The following SLC44A1 variants were observed in gnomAD, a reference collection of about 807,000 sequenced individuals.
The protein encoded by SLC44A1 is solute carrier family 44 member 1.
Under a neutral mutation model 79.3 loss-of-function variants are expected in SLC44A1, and 26 were observed. That is an observed-to-expected ratio of 0.33 (90% CI 0.24 to 0.46). The LOEUF (loss-of-function observed/expected upper bound fraction) is 0.46, where lower values mean the gene tolerates loss of function less well. Ranked by LOEUF, SLC44A1 falls within the 20% of genes least tolerant of loss-of-function variation. The pLI, the probability that SLC44A1 is intolerant of heterozygous loss-of-function variation, is 1.00. For synonymous variants in SLC44A1, 263 were observed against 286.2 expected (o/e 0.92, Z 0.82); for missense variants, 688 against 798.1 (o/e 0.86, Z 1.66).
At chr9:105,286,987 T>C (rs1354807107) in intron 1 of SLC44A1, among the ~76,000 whole-genome samples, 1 of 151,758 alleles carries the variant, frequency 6.6e-6, no homozygotes, top group Non-Finnish European at 1.5e-5. Context: ...AAATAAAATA[T>C]GAAAGGGAGG....
downstream of SLC44A1, among the ~76,000 whole-genome samples, chr9:105,399,742 A>ATACAGT: frequency 6.6e-6 from 1 of 152,098 alleles, no homozygotes; most frequent in Admixed American, 6.5e-5. Context: ...AATGTTTATA[A>ATACAGT]TAGTGAAGAA....
intron 1 of SLC44A1, among the ~76,000 whole-genome samples, chr9:105,247,946 C>T (rs1829496995): frequency 6.6e-6 from 1 of 152,216 alleles, no homozygotes; most frequent in South Asian, 2.1e-4. Context: ...TATATCCCTT[C>T]CTGTTCTTTC....
chr9:105,381,608 CCCCAGAAAATGAGAAAG>C (rs1188542159), intron 13 of SLC44A1, among the ~76,000 whole-genome samples: 1 of 150,260 alleles, frequency 6.7e-6, no homozygotes, highest in African/African-American at 2.5e-5. Flanking sequence ...ATGGAAATAA[CCCCAGAAAATGAGAAAG>C]AAAAAAAATG....
intron 5 of SLC44A1, among the ~76,000 whole-genome samples, chr9:105,348,843 T>C (rs956193361): frequency 6.6e-6 from 1 of 152,156 alleles, no homozygotes; most frequent in Non-Finnish European, 1.5e-5. Context: ...GGGATTGTTT[T>C]AAATTTATTT....
At chr9:105,278,405 C>A (rs530850499) in intron 1 of SLC44A1, among the ~76,000 whole-genome samples, 2 of 152,272 alleles carry the variant, frequency 1.3e-5, no homozygotes, top group Admixed American at 1.3e-4. Flanking sequence ...CCCGCCACCA[C>A]GCCCGGTTAA....
chr9:105,344,483 C>T (rs1827188072), intron 4 of SLC44A1, among the ~76,000 whole-genome samples: 1 of 152,078 alleles, frequency 6.6e-6, no homozygotes, highest in Non-Finnish European at 1.5e-5. Context: ...ACAGGACAGC[C>T]CCCTACAACC....
intron 1 of SLC44A1, among the ~76,000 whole-genome samples, chr9:105,285,482 C>T (rs1212871899): frequency 1.3e-5 from 2 of 152,172 alleles, no homozygotes; most frequent in Non-Finnish European, 2.9e-5. Context: ...CTGTCTCACG[C>T]GTCCATGTGA....
Position 105,260,696 on chromosome 9 carries a change from C to A in SLC44A1, c.36+15792C>A, listed in dbSNP as rs143010760. On this transcript the variant is annotated intron_variant, in intron 1 of 15. Transcript: ENST00000374720. Reference sequence around the variant, plus strand: ...TAGGGTAAATGATTGACAAAAGAATCCTTCAAGTTTGAAACTTGATAATAT... The same window carrying A: ...TAGGGTAAATGATTGACAAAAGAATACTTCAAGTTTGAAACTTGATAATAT... Among the ~76,000 whole-genome samples the A allele has an allele frequency of 7.6e-4, 116 of 152,278 alleles. 2 individuals are homozygous for A. The East Asian group carries it at 0.021, about 28-fold the overall frequency.
chr9:105,385,308 T>C (rs1244871103), intron 14 of SLC44A1, 114 bp from the exon 15 acceptor site: 1 of 731,630 alleles, frequency 1.4e-6, no homozygotes, highest in African/African-American at 1.8e-5. Context: ...TGCTATGTTT[T>C]TAAGCCATCC....
intron 3 of SLC44A1, among the ~76,000 whole-genome samples, chr9:105,315,363 AATTG>A (rs1831294960): frequency 6.6e-6 from 1 of 151,850 alleles, no homozygotes; most frequent in African/African-American, 2.4e-5. Flanking sequence ...TAAGTAAGAT[AATTG>A]ATTGTTTAAT....
At chr9:105,409,553 C>T (rs1208630099) in intron 15 of SLC44A1, among the ~76,000 whole-genome samples, 2 of 152,038 alleles carry the variant, frequency 1.3e-5, no homozygotes, top group Non-Finnish European at 2.9e-5. Flanking sequence ...GGTGTAGTGG[C>T]GTGTGCTGGT....
At chr9:105,380,247 C>G (rs1828420827) in intron 13 of SLC44A1, among the ~76,000 whole-genome samples, 1 of 152,174 alleles carries the variant, frequency 6.6e-6, no homozygotes, top group South Asian at 2.1e-4. Context: ...CTTTCTGACT[C>G]CAAAACTAGT....
At chr9:105,355,324 T>C (rs1233251789) in intron 5 of SLC44A1, among the ~76,000 whole-genome samples, 2 of 152,244 alleles carry the variant, frequency 1.3e-5, no homozygotes, top group African/African-American at 4.8e-5. Flanking sequence ...CTCTAGTCTT[T>C]CACAAGTAAA....
In SLC44A1 at chr9:105,397,008, C is replaced by G. The variant is rs1564051408; in HGVS notation, c.*7952C>G. 6 of 985,104 alleles carry G rather than the reference C, an allele frequency of 6.1e-6. No homozygotes were observed. Among genetic ancestry groups the G allele is most frequent in the Non-Finnish European group, 7.2e-6 (6 of 829,814 alleles). 61.0% of individuals were successfully genotyped at this position (985,104 alleles called of 1,614,324 possible). A position where few individuals can be genotyped will look rare whatever the true frequency, so the allele number is the denominator to read the frequency against. On this transcript the variant is annotated 3_prime_UTR_variant, in exon 16 of 16. Coordinates refer to ENST00000374720, the MANE Select transcript of SLC44A1 (RefSeq NM_080546.5). Reference sequence around the variant, plus strand: ...CATTATTGACACAGTGCAGACTTTGCAGATGGAGCATTATGCTCTCAGAGG... The same window carrying G: ...CATTATTGACACAGTGCAGACTTTGGAGATGGAGCATTATGCTCTCAGAGG...
At chr9:105,419,060 CA>C (rs1398928381) in intron 15 of SLC44A1, among the ~76,000 whole-genome samples, 1 of 151,904 alleles carries the variant, frequency 6.6e-6, no homozygotes, top group Non-Finnish European at 1.5e-5. Context: ...ACTTGACAAT[CA>C]AAATAGAGCC....
At position 105,369,562 on chromosome 9, in the gene SLC44A1, A is replaced by G. The variant is rs553613441; in HGVS notation, c.1494+3133A>G. On this transcript the variant is annotated intron_variant, in intron 12 of 15. Transcript: ENST00000374720. ...AAGACACAAACATTCAGACCATAGC[A>G]TTCCCCTTCTCTCCTTTGCCTCAAA... 3.3e-5 allele frequency among the ~76,000 whole-genome samples: 5 copies of G among 152,290 alleles called. No homozygotes were observed. In the East Asian group the frequency reaches 9.6e-4, roughly 29 times the overall value.
At position 105,394,295 on chromosome 9, in the gene SLC44A1, CTT is replaced by C. The variant is rs1828827596; in HGVS notation, c.*5241_*5242del. On this transcript the variant is annotated 3_prime_UTR_variant, in exon 16 of 16. Transcript: ENST00000374720. ...TGGAATCATTTTTATAACTTAAAGA[CTT>C]TATGTAATTTAGTAGCAGGTTAGGG... 9 of 985,310 alleles carry C rather than the reference CTT, an allele frequency of 9.1e-6. No homozygotes were observed. Among genetic ancestry groups the C allele is most frequent in the East Asian group, 1.1e-4 (1 of 8,812 alleles). The allele number at this position is 985,310 out of a possible 1,614,324, so 61.0% of individuals were successfully genotyped here.
intron 3 of SLC44A1, among the ~76,000 whole-genome samples, chr9:105,330,505 C>T (rs1826716458): frequency 6.6e-6 from 1 of 152,166 alleles, no homozygotes; most frequent in South Asian, 2.1e-4. Context: ...CAGTTTTAAA[C>T]CTTCTATGGC....
chr9:105,393,419 G>A lies in SLC44A1; in HGVS notation c.*4363G>A, dbSNP rs1828810156. 1.0e-6 allele frequency: 1 copy of A among 985,074 alleles called. No homozygotes were observed. The highest frequency in any genetic ancestry group is 1.7e-5 in the African/African-American group (1 of 57,212). The allele number at this position is 985,074 out of a possible 1,614,324, so 61.0% of individuals were successfully genotyped here. ...AAACAAAACAAAAATTACACGTCGT[G>A]TACAGTTATGAATTTAGAATAGCAC... is the stretch of plus-strand genomic sequence containing the variant. On this transcript the variant is annotated 3_prime_UTR_variant, in exon 16 of 16. Transcript: ENST00000374720.
Sources: allele counts gnomAD v4.1 joint callset (sites outside exome capture counted in the v4.1 genomes callset), GRCh38; gene constraint gnomAD v4.1.1; transcripts MANE v1.5; gene names NCBI Gene and HGNC (gene_info 2026-07-23, HGNC 2026-07-21).